CACNG6: variants seen among roughly 807,000 people sequenced by gnomAD.
CACNG6 encodes the protein calcium voltage-gated channel auxiliary subunit gamma 6.
CACNG6 carries 21 observed loss-of-function variants against 23.9 expected under a neutral mutation model. The observed-to-expected ratio is 0.88, with a 90% CI of 0.62 to 1.26. CACNG6 has a LOEUF of 1.26. Ranked by LOEUF, CACNG6 falls within the 50% of genes most tolerant of loss-of-function variation. The pLI is 0.00. For missense variants in CACNG6, 340 were observed against 352.9 expected, an observed-to-expected ratio of 0.96 and a Z score of 0.29; for synonymous variants, 182 against 168.9, an observed-to-expected ratio of 1.08 and a Z score of -0.60.
chr19:54,008,641 C>T (rs1334166204), intron 3 of CACNG6, among the ~76,000 whole-genome samples: 2 of 152,220 alleles, frequency 1.3e-5, no homozygotes, highest in South Asian at 4.1e-4. Context: ...CTGCGTCCTA[C>T]ACAGGACCCT....
At chr19:53,997,930 C>G (rs972360127) in intron 1 of CACNG6, among the ~76,000 whole-genome samples, 1 of 152,100 alleles carries the variant, frequency 6.6e-6, no homozygotes, top group African/African-American at 2.4e-5. Context: ...CTCAACAAAC[C>G]CATACGAAGG....
At chr19:54,002,988 A>G (rs78746784) in intron 3 of CACNG6, among the ~76,000 whole-genome samples, 1,765 of 152,326 alleles carry the variant, frequency 0.012, 25 homozygotes, top group African/African-American at 0.04. Context: ...GACAGAAATG[A>G]GATAAAGAGA....
rs1446897796 is a variant in CACNG6, at chr19:53,993,142, A to C, written c.265A>C (p.Lys89Gln). ...AHLGLWKACTKRLWQADVPVD... is the reference protein window; with the variant it reads ...AHLGLWKACTQRLWQADVPVD... ...CCTGGGGCTGTGGAAGGCGTGCACC[A>C]AGCGGCTGTGGCAGGCGGACGTGCC... Residue 89 changes from lysine to glutamine, a missense_variant, in exon 1 of 4, where the codon AAG (lysine) becomes CAG (glutamine). Transcript: ENST00000252729. 1 of 1,548,090 alleles carries C rather than the reference A, an allele frequency of 6.5e-7. No individual in the cohort carries two copies. Among genetic ancestry groups the C allele is most frequent in the Admixed American group, 2.0e-5 (1 of 50,940 alleles).
intron 3 of CACNG6, among the ~76,000 whole-genome samples, 196 bp downstream of exon 3, chr19:53,999,967 C>T (rs158200): frequency 0.17 from 25,110 of 151,808 alleles, 2,779 homozygotes; most frequent in African/African-American, 0.31. Flanking sequence ...CACTGTTGCA[C>T]GCTGGGAGGT....
At position 54,003,659 on chromosome 19, in the gene CACNG6, C is replaced by T. The variant is rs1015126844; in HGVS notation, c.544+3888C>T. Reference sequence around the variant, plus strand: ...TACAGGCATGAGCCACCCTGCCTAGCCATCCACCAGCAAATTCTATTGGCA... The same window carrying T: ...TACAGGCATGAGCCACCCTGCCTAGTCATCCACCAGCAAATTCTATTGGCA... On this transcript the variant is annotated intron_variant, in intron 3 of 3. Coordinates refer to ENST00000252729, the MANE Select transcript of CACNG6 (RefSeq NM_145814.2). Among the ~76,000 whole-genome samples the T allele has an allele frequency of 2.6e-5, 4 of 152,190 alleles. No homozygotes were observed. The East Asian group carries it at 5.8e-4, about 22-fold the overall frequency.
chr19:53,994,896 A>T (rs995455546), intron 1 of CACNG6, among the ~76,000 whole-genome samples: 1 of 152,158 alleles, frequency 6.6e-6, no homozygotes, highest in Non-Finnish European at 1.5e-5. Flanking sequence ...ATAAAGGATG[A>T]TCTCAAACTT....
chr19:54,005,862 G>A (rs2069638296), intron 3 of CACNG6, among the ~76,000 whole-genome samples: 1 of 151,520 alleles, frequency 6.6e-6, no homozygotes, highest in East Asian at 1.9e-4. Flanking sequence ...AGCCGAGGCT[G>A]GCAGATCACT....
chr19:54,007,678 T>C (rs1041281414), intron 3 of CACNG6, among the ~76,000 whole-genome samples: 3 of 151,794 alleles, frequency 2.0e-5, no homozygotes, highest in Admixed American at 6.6e-5. Flanking sequence ...AGGAGGATTG[T>C]TTGAGGCCAG....
At chr19:54,008,995 T>A (rs994285761) in intron 3 of CACNG6, among the ~76,000 whole-genome samples, 1 of 152,204 alleles carries the variant, frequency 6.6e-6, no homozygotes, top group African/African-American at 2.4e-5. Context: ...AATAATCATT[T>A]AAGCAATTAT....
chr19:53,991,537 C>T (rs1447460593), upstream of CACNG6, among the ~76,000 whole-genome samples: 1 of 137,248 alleles, frequency 7.3e-6, no homozygotes, highest in African/African-American at 2.7e-5. Flanking sequence ...GCGACAGGTG[C>T]GGGTGTTATT....
intron 1 of CACNG6, among the ~76,000 whole-genome samples, chr19:53,993,689 T>C (rs1236099263): frequency 7.6e-6 from 1 of 130,970 alleles, no homozygotes. Flanking sequence ...TGTCCCCAGC[T>C]ACAGTTTCCA....
intron 3 of CACNG6, among the ~76,000 whole-genome samples, chr19:54,002,505 C>G (rs1457709547): frequency 6.8e-6 from 1 of 147,806 alleles, no homozygotes; most frequent in Non-Finnish European, 1.5e-5. Context: ...TTTTACTTGT[C>G]CATTCATTTA....
intron 3 of CACNG6, among the ~76,000 whole-genome samples, chr19:54,011,508 G>A (rs1339588615): frequency 2.7e-5 from 4 of 149,846 alleles, no homozygotes; most frequent in Admixed American, 6.7e-5. Flanking sequence ...ACAGTGCTGC[G>A]AACACCAGAA....
chr19:54,011,844 G>T, intron 3 of CACNG6, 107 bp from the exon 4 acceptor site: 1 of 626,094 alleles, frequency 1.6e-6, no homozygotes, highest in East Asian at 3.1e-5. Flanking sequence ...GAGTGCACGC[G>T]TGGGAAGGTG....
At position 53,998,288 on chromosome 19, in the gene CACNG6, C is replaced by G; in HGVS notation, c.381C>G (p.Arg127=). 6.2e-7 allele frequency: 1 copy of G among 1,614,054 alleles called. No individual in the cohort carries two copies. Among genetic ancestry groups the G allele is most frequent in the Non-Finnish European group, 8.5e-7 (1 of 1,179,978 alleles). Residue 127 remains arginine, a synonymous_variant, in exon 2 of 4, where the codon CGC becomes CGG. Coordinates refer to ENST00000252729, the MANE Select transcript of CACNG6 (RefSeq NM_145814.2). ...TCTTCACCACGGGGGAGAATGCACG[C>G]ATCTTTCAGAGAACCACAAAGAAAG... ...FKFFTTGENA[R]IFQRTTKKEV...
chr19:53,995,731 G>A (rs377307704), intron 1 of CACNG6, among the ~76,000 whole-genome samples: 1 of 152,138 alleles, frequency 6.6e-6, no homozygotes, highest in African/African-American at 2.4e-5. Context: ...GCACGATCTC[G>A]GCCCACTGCA....
At chr19:54,005,021 C>G (rs1209453698) in intron 3 of CACNG6, among the ~76,000 whole-genome samples, 1 of 148,914 alleles carries the variant, frequency 6.7e-6, no homozygotes, top group East Asian at 2.1e-4. Flanking sequence ...ACCAGCCTGA[C>G]TACCATGGTG....
intron 3 of CACNG6, among the ~76,000 whole-genome samples, chr19:54,009,622 C>T (rs2069682660): frequency 6.6e-6 from 1 of 152,014 alleles, no homozygotes; most frequent in African/African-American, 2.4e-5. Flanking sequence ...ACCTTACTTG[C>T]CGCCCTGTGT....
rs79507810 is a variant in CACNG6 at position 54,005,751 on chromosome 19, TTAAAATAAAATAAAATAAAA to T, written c.544+6020_544+6039del. On this transcript the variant is annotated intron_variant, in intron 3 of 3. Coordinates refer to ENST00000252729, the MANE Select transcript of CACNG6 (RefSeq NM_145814.2). ...CTGGGCAACAGAGTGAGACTCCCTC[TTAAAATAAAATAAAATAAAA>T]TAAAATAAAATAAAATAAAATAAAA... Among the ~76,000 whole-genome samples the T allele has an allele frequency of 4.8e-3, 684 of 141,226 alleles. 5 individuals carry two copies. Among genetic ancestry groups the T allele is most frequent in the African/African-American group, 0.017 (652 of 37,368 alleles). 92.6% of individuals were successfully genotyped at this position (141,226 alleles called of 152,430 possible).
Sources: allele counts gnomAD v4.1 joint callset (sites outside exome capture counted in the v4.1 genomes callset), GRCh38; gene constraint gnomAD v4.1.1; transcripts MANE v1.5; gene names NCBI Gene and HGNC (gene_info 2026-07-23, HGNC 2026-07-21).